ZNF577: variants seen among roughly 807,000 people sequenced by gnomAD.
ZNF577 encodes the protein zinc finger protein 577.
In ZNF577, 14 loss-of-function variants were observed where a neutral mutation model predicts 13.9. That is an observed-to-expected ratio of 1.00 (90% CI 0.66 to 1.57). ZNF577 has a LOEUF of 1.57. Among genes scored for constraint, ZNF577 ranks in the 40% most tolerant of loss-of-function variants. ZNF577 has a pLI of 0.00. For synonymous variants in ZNF577, 203 were observed against 202.9 expected, an observed-to-expected ratio of 1.00 and a Z score of 0.00; for missense variants, 555 against 579.2, an observed-to-expected ratio of 0.96 and a Z score of 0.43.
intron 4 of ZNF577, 185 bp from the exon 5 acceptor site, chr19:51,877,562 C>G: frequency 2.2e-6 from 1 of 461,510 alleles, no homozygotes; most frequent in Non-Finnish European, 3.9e-6. Context: ...ACACCCATAC[C>G]CATTAGGATG....
intron 10 of ZNF577, among the ~76,000 whole-genome samples, chr19:51,807,480 C>T (rs1362163675): frequency 6.6e-6 from 1 of 152,060 alleles, no homozygotes; most frequent in East Asian, 1.9e-4. Context: ...CCTTCGGGTC[C>T]CTGCAGTTGA....
intron 10 of ZNF577, among the ~76,000 whole-genome samples, chr19:51,808,880 G>T (rs1245830394): frequency 6.6e-6 from 1 of 152,212 alleles, no homozygotes; most frequent in African/African-American, 2.4e-5. Flanking sequence ...ACTAGCTGCT[G>T]AAGTTGCATC....
At chr19:51,823,989 C>T (rs146700831) in intron 9 of ZNF577, 5 of 1,613,934 alleles carry the variant, frequency 3.1e-6, no homozygotes, top group East Asian at 2.2e-5. Flanking sequence ...CCTACCATTC[C>T]GAATGGTCTC....
In ZNF577 at chr19:51,873,320, A is replaced by G. The variant is rs2084696169; in HGVS notation, c.670T>C (p.Ser224Pro). 1 of 1,613,950 alleles carries G rather than the reference A, an allele frequency of 6.2e-7. No homozygotes were observed. The highest frequency in any genetic ancestry group is 8.5e-7 in the Non-Finnish European group (1 of 1,180,006). Residue 224 changes from serine (S) to proline (P), a missense_variant, in exon 6 of 6, where the codon TCC becomes CCC. Transcript: ENST00000638348. The part of the protein sequence containing the change: ...HECSECGKAF[S>P]RKSQLMVHQR... Reference sequence around the variant, plus strand: ...TGGACCATGAGCTGTGACTTTCTGGAGAAGGCTTTTCCACATTCACTACAT... The same window carrying G: ...TGGACCATGAGCTGTGACTTTCTGGGGAAGGCTTTTCCACATTCACTACAT...
downstream of ZNF577, among the ~76,000 whole-genome samples, chr19:51,866,448 T>G (rs2084565121): frequency 6.6e-6 from 1 of 152,188 alleles, no homozygotes; most frequent in African/African-American, 2.4e-5. Context: ...AGAATTAGTC[T>G]GCCAATACCC....
intron 5 of ZNF577, among the ~76,000 whole-genome samples, chr19:51,856,360 A>G (rs1401824736): frequency 6.6e-6 from 1 of 152,228 alleles, no homozygotes; most frequent in Non-Finnish European, 1.5e-5. Context: ...AATTGTGCTA[A>G]TGAACTGTTA....
chr19:51,821,447 T>C (rs1477713703), intron 9 of ZNF577, among the ~76,000 whole-genome samples: 3 of 152,104 alleles, frequency 2.0e-5, no homozygotes, highest in Non-Finnish European at 4.4e-5. Flanking sequence ...TGTTGCTAAA[T>C]ATCCTACTGT....
chr19:51,848,815 T>C (rs572424693), intron 5 of ZNF577, among the ~76,000 whole-genome samples: 3 of 152,212 alleles, frequency 2.0e-5, no homozygotes, highest in Non-Finnish European at 2.9e-5. Context: ...TCTTCCCCAA[T>C]TTGCTAATAT....
chr19:51,869,010 G>A lies in ZNF577; in HGVS notation c.*3522C>T, dbSNP rs112185775. Among the ~76,000 whole-genome samples, 51 of 151,954 alleles carry A rather than the reference G, an allele frequency of 3.4e-4. No homozygotes were observed. The highest frequency in any genetic ancestry group is 1.2e-3 in the African/African-American group (50 of 41,208). Reference sequence around the variant, plus strand: ...GGGACACAATGCACTGCGGAAGGCCGCAGGGACCTCTGCCCAAGAAAGCCT... The same window carrying A: ...GGGACACAATGCACTGCGGAAGGCCACAGGGACCTCTGCCCAAGAAAGCCT... On this transcript the variant is annotated 3_prime_UTR_variant, in exon 6 of 6. Transcript: ENST00000638348.
At chr19:51,874,178 T>A (rs2084717470) in intron 5 of ZNF577, among the ~76,000 whole-genome samples, 1 of 152,050 alleles carries the variant, frequency 6.6e-6, no homozygotes, top group African/African-American at 2.4e-5. Flanking sequence ...GCAACTGGAA[T>A]AAATCAAAAA....
At chr19:51,857,370 G>GAAAGAAAGA (rs1568442114) in intron 5 of ZNF577, among the ~76,000 whole-genome samples, 1 of 57,810 alleles carries the variant, frequency 1.7e-5, no homozygotes, top group East Asian at 4.1e-4. Context: ...AGGAAGGAAA[G>GAAAGAAAGA]AAAGAAAGAA....
intron 10 of ZNF577, among the ~76,000 whole-genome samples, chr19:51,808,432 G>A (rs2084074711): frequency 6.6e-6 from 1 of 152,126 alleles, no homozygotes; most frequent in Non-Finnish European, 1.5e-5. Context: ...TGATCTGTAG[G>A]AGCAGCCAAA....
At chr19:51,885,178 T>C (rs1268036331) in intron 1 of ZNF577, among the ~76,000 whole-genome samples, 1 of 152,222 alleles carries the variant, frequency 6.6e-6, no homozygotes, top group African/African-American at 2.4e-5. Flanking sequence ...GTGGGTTAGC[T>C]GAATGTTTTT....
chr19:51,848,173 G>A (rs184744472), intron 5 of ZNF577, among the ~76,000 whole-genome samples: 48 of 152,290 alleles, frequency 3.2e-4, no homozygotes, highest in Middle Eastern at 3.4e-3. Flanking sequence ...TCCTGTCAGC[G>A]TAGGGCATGC....
chr19:51,833,006 G>C (rs12151116), intron 9 of ZNF577, among the ~76,000 whole-genome samples: 64,405 of 151,908 alleles, frequency 0.42, 13,814 homozygotes, highest in South Asian at 0.58. Flanking sequence ...TTTGCCTTTC[G>C]ATATAAATTT....
intron 5 of ZNF577, among the ~76,000 whole-genome samples, chr19:51,855,499 G>A (rs958351188): frequency 7.3e-5 from 11 of 151,616 alleles, no homozygotes; most frequent in African/African-American, 2.4e-4. Context: ...GTGAACTACT[G>A]GTACCCTCAG....
rs1183014504 is a variant in ZNF577 at position 51,872,439 on chromosome 19, T to G, written c.*93A>C. 5.7e-6 allele frequency: 6 copies of G among 1,053,336 alleles called. No homozygotes were observed. Among genetic ancestry groups the G allele is most frequent in the Non-Finnish European group, 6.7e-6 (5 of 749,612 alleles). 65.2% of individuals were successfully genotyped at this position (1,053,336 alleles called of 1,614,324 possible). ...AGAAATGTCCTCCACAACCACTGCC[T>G]CCACAGTGTTTCAGCCCTAAATGAG... On this transcript the variant is annotated 3_prime_UTR_variant, in exon 6 of 6. Coordinates refer to ENST00000638348, the MANE Select transcript of ZNF577 (RefSeq NM_001370449.1).
At position 51,831,193 on chromosome 19, in the gene ZNF577, G is replaced by A. The variant is rs192785245; in HGVS notation, c.*599+8700C>T. On this transcript the variant is annotated intron_variant and NMD_transcript_variant, in intron 9 of 10. Transcript: ENST00000638827. ...TGCTGTGGTGCGATCTTCACTCACC[G>A]CAACCTCTGCCTCCAAGGTTCAAGC... Among the ~76,000 whole-genome samples the A allele has an allele frequency of 2.2e-3, 332 of 152,096 alleles. 3 individuals are homozygous for A. The Middle Eastern group carries it at 0.024, about 11-fold the overall frequency.
chr19:51,824,883 T>C lies in ZNF577; in HGVS notation c.*600-13209A>G. ...GGAAAAAAAAAATTCTGACAGTGTT[T>C]TTCTTCCTCTTTCATACCACCACCA... is the stretch of plus-strand genomic sequence containing the variant. On this transcript the variant is annotated intron_variant and NMD_transcript_variant, in intron 9 of 10. Transcript: ENST00000638827. The surrounding 1 kb of genome is among the most constrained non-coding windows in gnomAD (Gnocchi z 4.7). 1 of 1,135,342 alleles carries C rather than the reference T, an allele frequency of 8.8e-7. No homozygotes were observed. Among genetic ancestry groups the C allele is most frequent in the Non-Finnish European group, 1.2e-6 (1 of 805,418 alleles). The allele number at this position is 1,135,342 out of a possible 1,614,324, so 70.3% of individuals were successfully genotyped here. A position where few individuals can be genotyped will look rare whatever the true frequency, so the allele number is the denominator to read the frequency against.
Sources: gnomAD v4.1 joint callset for allele counts (sites outside exome capture counted in the v4.1 genomes callset) on GRCh38, gnomAD v4.1.1 for gene constraint, Gnocchi (gnomAD v3.1) non-coding constraint, MANE v1.5 for transcripts, NCBI Gene and HGNC (gene_info 2026-07-23, HGNC 2026-07-21) for gene names.